RNGTT: variants seen among roughly 807,000 people sequenced by gnomAD.
The protein encoded by RNGTT is mRNA-capping enzyme.
In RNGTT, 33 loss-of-function variants were observed where a neutral mutation model predicts 79.3. The observed-to-expected ratio is 0.42, with a 90% CI of 0.32 to 0.56. The LOEUF (loss-of-function observed/expected upper bound fraction) is 0.56. RNGTT is among the 20% of genes least tolerant of loss of function. The pLI is 0.17. For synonymous variants in RNGTT, 222 were observed against 235.9 expected (o/e 0.94, Z 0.54); for missense variants, 497 against 739.1 (o/e 0.67, Z 3.80).
At chr6:88,735,180 T>C (rs1475807975) in intron 13 of RNGTT, among the ~76,000 whole-genome samples, 1 of 152,108 alleles carries the variant, frequency 6.6e-6, no homozygotes. Context: ...TCAAAATATA[T>C]GAGGCAAAAA....
intron 6 of RNGTT, among the ~76,000 whole-genome samples, chr6:88,899,805 C>G (rs558518781): frequency 6.6e-6 from 1 of 152,232 alleles, no homozygotes; most frequent in South Asian, 2.1e-4. Flanking sequence ...AGAAGCTGAA[C>G]AGAAATTTCA....
In RNGTT at chr6:88,614,417, G is replaced by A. The variant is rs544171399; in HGVS notation, c.1507-22C>T. 100 of 1,609,974 alleles carry A rather than the reference G, an allele frequency of 6.2e-5. No individual in the cohort carries two copies. In the Admixed American group the frequency reaches 1.6e-3, roughly 26 times the overall value. ...TCACCTGTTTTGAAAGAGAATTGAG[G>A]AAAATATTTAAATAACTTGAAAGGC... On this transcript the variant is annotated intron_variant, in intron 14 of 15. Transcript: ENST00000369485.
chr6:88,776,095 C>T (rs1412703856), intron 12 of RNGTT, among the ~76,000 whole-genome samples: 1 of 151,968 alleles, frequency 6.6e-6, no homozygotes, highest in Non-Finnish European at 1.5e-5. Context: ...TGTTTTTAAT[C>T]GTTTGAGGAG....
chr6:88,667,964 T>C (rs1373127304), intron 14 of RNGTT, among the ~76,000 whole-genome samples: 2 of 152,104 alleles, frequency 1.3e-5, no homozygotes, highest in Non-Finnish European at 2.9e-5. Flanking sequence ...TTATGAGATA[T>C]TGTATCATAG....
intron 8 of RNGTT, among the ~76,000 whole-genome samples, chr6:88,889,922 T>C (rs541859612): frequency 8.5e-5 from 13 of 152,306 alleles, no homozygotes; most frequent in Non-Finnish European, 8.8e-5. Flanking sequence ...AAGGCTGCAG[T>C]GAGCCTTGAT....
intron 4 of RNGTT, among the ~76,000 whole-genome samples, chr6:88,921,977 A>C (rs371311191): frequency 1.3e-5 from 2 of 152,118 alleles, no homozygotes; most frequent in African/African-American, 4.8e-5. Context: ...ACTGAGCATC[A>C]GAGGATTTTG....
chr6:88,646,833 G>C (rs1489154118), intron 14 of RNGTT, among the ~76,000 whole-genome samples: 1 of 151,928 alleles, frequency 6.6e-6, no homozygotes, highest in Non-Finnish European at 1.5e-5. Flanking sequence ...TCACACACCA[G>C]GGCCTGTTGT....
At chr6:88,836,839 A>G (rs1781097340) in intron 11 of RNGTT, among the ~76,000 whole-genome samples, 2 of 152,184 alleles carry the variant, frequency 1.3e-5, no homozygotes, top group South Asian at 2.1e-4. Flanking sequence ...TTAAATAGCT[A>G]TCACATTTTT....
At chr6:88,895,613 C>A (rs1313176966) in intron 6 of RNGTT, among the ~76,000 whole-genome samples, 1 of 152,078 alleles carries the variant, frequency 6.6e-6, no homozygotes, top group African/African-American at 2.4e-5. Context: ...AATAAAGTCT[C>A]AAACCAAAAA....
intron 13 of RNGTT, among the ~76,000 whole-genome samples, chr6:88,681,803 A>G (rs963618260): frequency 3.9e-5 from 6 of 152,262 alleles, no homozygotes; most frequent in East Asian, 3.9e-4. Flanking sequence ...CATTACCATA[A>G]CCTTTATACA....
intron 12 of RNGTT, among the ~76,000 whole-genome samples, chr6:88,771,313 G>A (rs1469724889): frequency 2.1e-5 from 1 of 47,710 alleles, no homozygotes; most frequent in East Asian, 6.4e-4. Flanking sequence ...ATGTGTGTGT[G>A]TGTATATATA....
chr6:88,768,078 G>C (rs538627910), intron 13 of RNGTT, among the ~76,000 whole-genome samples: 1 of 151,678 alleles, frequency 6.6e-6, no homozygotes, highest in Non-Finnish European at 1.5e-5. Flanking sequence ...CCAGATAATT[G>C]TTCTAACAAC....
At chr6:88,740,776 G>A (rs187026277) in intron 13 of RNGTT, among the ~76,000 whole-genome samples, 10 of 152,210 alleles carry the variant, frequency 6.6e-5, no homozygotes, top group African/African-American at 2.4e-4. Context: ...TGGAGGACGA[G>A]GGGAGGGAAC....
chr6:88,641,359 A>AAAAT (rs1554200232), intron 14 of RNGTT, among the ~76,000 whole-genome samples: 1 of 145,788 alleles, frequency 6.9e-6, no homozygotes, highest in South Asian at 2.2e-4. Flanking sequence ...AAAAAAAAAA[A>AAAAT]TAACCATGGT....
Position 88,769,763 on chromosome 6 carries a change from T to G in RNGTT, c.1439+11A>C. 6.5e-7 allele frequency: 1 copy of G among 1,545,192 alleles called. No individual in the cohort carries two copies. Among genetic ancestry groups the G allele is most frequent in the Non-Finnish European group, 8.9e-7 (1 of 1,118,656 alleles). The stretch of plus-strand genomic sequence containing the variant: ...TTATTTCATGCAAAAAGTACAAAAG[T>G]GCATACTTACCCTTCTCCTCCCATT... On this transcript the variant is annotated intron_variant, in intron 13 of 15. Coordinates refer to ENST00000369485, the MANE Select transcript of RNGTT (RefSeq NM_003800.5).
At chr6:88,632,191 G>C (rs1036124413) in intron 14 of RNGTT, among the ~76,000 whole-genome samples, 11 of 151,974 alleles carry the variant, frequency 7.2e-5, no homozygotes, top group African/African-American at 2.7e-4. Context: ...CAAACACCCG[G>C]GCTGAAGCAA....
chr6:88,951,726 T>C (rs1281580733), intron 1 of RNGTT, among the ~76,000 whole-genome samples: 1 of 152,008 alleles, frequency 6.6e-6, no homozygotes, highest in Admixed American at 6.6e-5. Flanking sequence ...GAGTGAAATA[T>C]AAAAGTAGAA....
At chr6:88,950,109 C>G (rs1259900540) in intron 1 of RNGTT, among the ~76,000 whole-genome samples, 1 of 152,142 alleles carries the variant, frequency 6.6e-6, no homozygotes, top group Non-Finnish European at 1.5e-5. Context: ...TATCAACGAA[C>G]AACAAAAGCC....
intron 11 of RNGTT, among the ~76,000 whole-genome samples, chr6:88,818,044 C>G (rs1046848342): frequency 6.6e-6 from 1 of 151,480 alleles, no homozygotes; most frequent in Non-Finnish European, 1.5e-5. Context: ...CAGGCGTGAG[C>G]CACCGCGCCC....
Sources: gnomAD v4.1 joint callset for allele counts (sites outside exome capture counted in the v4.1 genomes callset) on GRCh38, gnomAD v4.1.1 for gene constraint, MANE v1.5 for transcripts, NCBI Gene and HGNC (gene_info 2026-07-23, HGNC 2026-07-21) for gene names.